The following SCNN1D variants were observed in gnomAD, a reference collection of about 807,000 sequenced individuals.
The protein encoded by SCNN1D is epithelial sodium channel subunit delta.
In SCNN1D, 104 loss-of-function variants were observed where a neutral mutation model predicts 87.8. That is an observed-to-expected ratio of 1.18 (90% CI 1.01 to 1.39). The LOEUF (loss-of-function observed/expected upper bound fraction) is 1.39. SCNN1D is among the 40% of genes most tolerant of loss of function. SCNN1D has a pLI of 0.00. For missense variants in SCNN1D, 1,324 were observed against 1,093.9 expected, an observed-to-expected ratio of 1.21 and a Z score of -2.97; for synonymous variants, 628 against 481.2, an observed-to-expected ratio of 1.31 and a Z score of -3.99.
chr1:1,286,664 C>T (rs982477490), intron 7 of SCNN1D, 104 bp from the exon 8 acceptor site: 10 of 1,130,954 alleles, frequency 8.8e-6, no homozygotes, highest in Admixed American at 2.2e-5. Context: ...CACTGGGCGT[C>T]CCGAGTAGGG....
Position 1,288,000 on chromosome 1 carries a change from A to C in SCNN1D, c.1625A>C (p.Glu542Ala). The change falls in exon 12 of 18, where the codon GAG becomes GCG. Residue 542 changes from glutamate (E) to alanine (A), a missense_variant. Transcript: ENST00000379116. ...GHCTAGGEGV[E>A]VELLHNTSYT... ...TGCACCGCCGGCGGGGAAGGCGTGG[A>C]GGTGGAGCTGCTACACAACACCTCC... is the stretch of plus-strand genomic sequence containing the variant. The C allele has an allele frequency of 6.5e-7, 1 of 1,528,266 alleles. No homozygotes were observed. Among genetic ancestry groups the C allele is most frequent in the Non-Finnish European group, 8.8e-7 (1 of 1,135,104 alleles). 94.7% of individuals were successfully genotyped at this position (1,528,266 alleles called of 1,614,324 possible).
chr1:1,291,957 G>C lies in SCNN1D; in HGVS notation c.*347G>C, dbSNP rs533659455. On this transcript the variant is annotated 3_prime_UTR_variant, in exon 18 of 18. Coordinates refer to ENST00000379116, the MANE Select transcript of SCNN1D (RefSeq NM_001130413.4). The stretch of plus-strand genomic sequence containing the variant: ...GTCAAGCCTAGCCACCTCAGCTGCA[G>C]GGAGGCAGAAGGCAAGGCAGGCCCC... 4.3e-5 allele frequency: 9 copies of C among 209,432 alleles called. No homozygotes were observed. Among genetic ancestry groups the C allele is most frequent in the African/African-American group, 2.1e-4 (9 of 43,728 alleles). The allele number at this position is 209,432 out of a possible 1,614,324, so 13.0% of individuals were successfully genotyped here.
chr1:1,287,039 G>T, intron 8 of SCNN1D, 64 bp downstream of exon 8: 1 of 1,580,532 alleles, frequency 6.3e-7, no homozygotes, highest in Non-Finnish European at 8.6e-7. Context: ...GCCCTGCGCT[G>T]CTGGTACCTC....
At chr1:1,280,752 C>T (rs1640453469) in intron 1 of SCNN1D, 86 bp downstream of exon 1, 3 of 689,640 alleles carry the variant, frequency 4.4e-6, no homozygotes, top group Non-Finnish European at 8.0e-6. Context: ...GGGGTCCATC[C>T]AGACAGTTCA....
chr1:1,287,383 T>C, intron 9 of SCNN1D, 84 bp downstream of exon 9: 1 of 1,492,360 alleles, frequency 6.7e-7, no homozygotes, highest in Non-Finnish European at 9.0e-7. Flanking sequence ...GGCTGTATGC[T>C]GGGAGCCACC....
At position 1,291,509 on chromosome 1, in the gene SCNN1D, G is replaced by T; in HGVS notation, c.2308G>T (p.Gly770Trp). The T allele has an allele frequency of 6.2e-7, 1 of 1,608,526 alleles. No homozygotes were observed. The highest frequency in any genetic ancestry group is 1.1e-5 in the South Asian group (1 of 90,926). Residue 770 changes from glycine (G) to tryptophan (W), a missense_variant, in exon 18 of 18, where the codon GGG (glycine) becomes TGG (tryptophan). Physicochemically the swap from Gly to Trp is radical, Grantham distance 184. Coordinates refer to ENST00000379116, the MANE Select transcript of SCNN1D (RefSeq NM_001130413.4). ...GGTSDDPEPS[G>W]PHLPRVMLPG... ...CACGTCAGATGACCCGGAGCCCAGC[G>T]GGCCTCATCTCCCACGGGTGATGCT...
intron 5 of SCNN1D, among the ~76,000 whole-genome samples, chr1:1,285,129 A>G (rs1018639756): frequency 2.6e-5 from 4 of 152,176 alleles, no homozygotes; most frequent in Admixed American, 6.5e-5. Flanking sequence ...TGTGCGGCCC[A>G]CACACCCGAG....
At chr1:1,290,824 A>G in intron 15 of SCNN1D, 71 bp from the exon 16 acceptor site, 2 of 1,586,800 alleles carry the variant, frequency 1.3e-6, no homozygotes, top group South Asian at 1.1e-5. Context: ...CTGCCCCCAC[A>G]TCCGCCCGTG....
At position 1,281,219 on chromosome 1, in the gene SCNN1D, T is replaced by A. The variant is rs1315447729; in HGVS notation, c.6-7T>A. 6.5e-7 allele frequency: 1 copy of A among 1,534,836 alleles called. No individual in the cohort carries two copies. The highest frequency in any genetic ancestry group is 1.4e-5 in the African/African-American group (1 of 72,982). ...TCCCACAGATGCCAGGCGCCTGCCATCTCCAGGGCAGTGCTGTCACAGAAG... is the reference window on the plus strand; with the variant it reads ...TCCCACAGATGCCAGGCGCCTGCCAACTCCAGGGCAGTGCTGTCACAGAAG... On this transcript the variant is annotated splice_region_variant and splice_polypyrimidine_tract_variant and intron_variant, in intron 1 of 17. Coordinates refer to ENST00000379116, the MANE Select transcript of SCNN1D (RefSeq NM_001130413.4).
At position 1,291,053 on chromosome 1, in the gene SCNN1D, A is replaced by T. The variant is rs371374747; in HGVS notation, c.1977-12A>T. ...TCTGGGCCAGCGCCCTCATGCCTCTATCCTGCCCCAGGAGCAGCCTGGCCA... is the reference window on the plus strand; with the variant it reads ...TCTGGGCCAGCGCCCTCATGCCTCTTTCCTGCCCCAGGAGCAGCCTGGCCA... On this transcript the variant is annotated splice_polypyrimidine_tract_variant and intron_variant, in intron 16 of 17. Transcript: ENST00000379116. 6.2e-7 allele frequency: 1 copy of T among 1,609,942 alleles called. No individual in the cohort carries two copies. The highest frequency in any genetic ancestry group is 2.2e-5 in the East Asian group (1 of 44,758).
At chr1:1,290,232 G>T (rs1570866) in intron 12 of SCNN1D, 39 bp from the exon 13 acceptor site, 3 of 1,205,852 alleles carry the variant, frequency 2.5e-6, no homozygotes, top group Non-Finnish European at 2.2e-6. Flanking sequence ...CCATGTCTCC[G>T]CTCCATCCCA....
intron 5 of SCNN1D, among the ~76,000 whole-genome samples, chr1:1,284,712 C>T (rs1036150580): frequency 3.3e-5 from 5 of 152,070 alleles, no homozygotes; most frequent in South Asian, 2.1e-4. Context: ...GCAGATACTG[C>T]GTGTCCAGGC....
chr1:1,283,794 C>G (rs776603907), intron 4 of SCNN1D, among the ~76,000 whole-genome samples, 184 bp from the exon 5 acceptor site: 9 of 151,786 alleles, frequency 5.9e-5, no homozygotes, highest in Non-Finnish European at 1.3e-4. Flanking sequence ...TTACTCTCAG[C>G]CAGGGTCAGG....
rs752340438 is a variant in SCNN1D, at chr1:1,286,023, C to A, written c.656C>A (p.Ser219Ter). The stretch of plus-strand genomic sequence containing the variant: ...GAGGGGCTGGTGGAGCTGCCCGCCT[C>A]GTTCCGGGAGCTGCTCACCTTCTTC... ...HQEGLVELPA[S>*]FRELLTFFCT... Residue 219 changes from serine to a stop codon, truncating the protein, a stop_gained, in exon 7 of 18, where the codon TCG becomes TAG. Transcript: ENST00000379116. LOFTEE classifies it high-confidence loss of function. The A allele has an allele frequency of 6.4e-7, 1 of 1,566,880 alleles. No homozygotes were observed. Among genetic ancestry groups the A allele is most frequent in the East Asian group, 2.4e-5 (1 of 42,176 alleles).
rs1369950045 is a variant in SCNN1D, at chr1:1,288,024, C to T, written c.1649C>T (p.Ser550Phe). ...GAGGTGGAGCTGCTACACAACACCT[C>T]CTACACCAGGCAGGTGAGGCTGGGC... ...GVEVELLHNTSYTRQACLVSC... is the reference protein window; with the variant it reads ...GVEVELLHNTFYTRQACLVSC... The change falls in exon 12 of 18, where the codon TCC becomes TTC. Residue 550 changes from serine to phenylalanine, a missense_variant. Physicochemically the swap from Ser to Phe is radical, Grantham distance 155. Transcript: ENST00000379116. The T allele has an allele frequency of 1.3e-6, 2 of 1,536,812 alleles. No homozygotes were observed. Among genetic ancestry groups the T allele is most frequent in the Non-Finnish European group, 1.8e-6 (2 of 1,141,230 alleles).
At position 1,287,985 on chromosome 1, in the gene SCNN1D, G is replaced by T; in HGVS notation, c.1610G>T (p.Gly537Val). 2 of 1,546,792 alleles carry T rather than the reference G, an allele frequency of 1.3e-6. No individual in the cohort carries two copies. The highest frequency in any genetic ancestry group is 1.7e-6 in the Non-Finnish European group (2 of 1,145,428). Residue 537 changes from glycine (G) to valine (V), a missense_variant, in exon 12 of 18, where the codon GGC (glycine) becomes GTC (valine). Physicochemically the swap from Gly to Val is moderately radical, Grantham distance 109. Coordinates refer to ENST00000379116, the MANE Select transcript of SCNN1D (RefSeq NM_001130413.4). ...AGCCCCTACGGCCACTGCACCGCCG[G>T]CGGGGAAGGCGTGGAGGTGGAGCTG... Reference protein sequence around the residue: ...LGSPYGHCTAGGEGVEVELLH... With the variant: ...LGSPYGHCTAVGEGVEVELLH...
In SCNN1D at chr1:1,290,395, C is replaced by G. The variant is rs1264997656; in HGVS notation, c.1780+7C>G. The G allele has an allele frequency of 1.9e-6, 3 of 1,606,718 alleles. No homozygotes were observed. The highest frequency in any genetic ancestry group is 2.6e-6 in the Non-Finnish European group (3 of 1,176,178). ...GCCCGGCACCCTGCCTGGGGTGAGT[C>G]CTGCTCGCTGCCTCCCACTCTGTCA... On this transcript the variant is annotated splice_region_variant and intron_variant, in intron 13 of 17. Coordinates refer to ENST00000379116, the MANE Select transcript of SCNN1D (RefSeq NM_001130413.4).
intron 16 of SCNN1D, 47 bp downstream of exon 16, chr1:1,291,000 C>G (rs759830494): frequency 6.3e-7 from 1 of 1,592,540 alleles, no homozygotes; most frequent in Non-Finnish European, 8.6e-7. Context: ...CCCCTCTCCC[C>G]TCAAAGCCCC....
intron 12 of SCNN1D, among the ~76,000 whole-genome samples, chr1:1,288,252 CCG>C (rs1433526188): frequency 1.5e-5 from 2 of 132,404 alleles, no homozygotes; most frequent in East Asian, 2.5e-4. Context: ...TGTCTCTGCT[CCG>C]TCCCGTGTCT....
Sources: gnomAD v4.1 joint callset for allele counts (sites outside exome capture counted in the v4.1 genomes callset) on GRCh38, gnomAD v4.1.1 for gene constraint, MANE v1.5 for transcripts, NCBI Gene and HGNC (gene_info 2026-07-23, HGNC 2026-07-21) for gene names.